Variants in ZNF385D observed in about 807,000 individuals in gnomAD.
The protein encoded by ZNF385D is zinc finger protein 659.
ZNF385D carries 15 observed loss-of-function variants against 35.8 expected under a neutral mutation model. The observed-to-expected ratio is 0.42, with a 90% CI of 0.28 to 0.64. The LOEUF is 0.64. Among genes scored for constraint, ZNF385D ranks in the 30% least tolerant of loss-of-function variants. ZNF385D has a pLI of 0.23. For synonymous variants in ZNF385D, 212 were observed against 186.8 expected (o/e 1.13, Z -1.10); for missense variants, 474 against 494.6 (o/e 0.96, Z 0.39).
chr3:21,854,353 T>C lies in ZNF385D; in HGVS notation c.326-189325A>G, dbSNP rs143162422. Among the ~76,000 whole-genome samples, 40 of 152,076 alleles carry C rather than the reference T, an allele frequency of 2.6e-4. No individual in the cohort carries two copies. In the East Asian group the frequency reaches 2.9e-3, roughly 11 times the overall value. On this transcript the variant is annotated intron_variant, in intron 3 of 5. Transcript: ENST00000494108. ...TGCCTAGGAAACTTAAAGTATCTCTTAAAACGGAGCTCATATGCCACTTAT... is the reference window on the plus strand; with the variant it reads ...TGCCTAGGAAACTTAAAGTATCTCTCAAAACGGAGCTCATATGCCACTTAT...
At chr3:22,210,428 C>A (rs906445700) in intron 2 of ZNF385D, among the ~76,000 whole-genome samples, 30 of 151,844 alleles carry the variant, frequency 2.0e-4, no homozygotes, top group African/African-American at 7.2e-4. Flanking sequence ...CACGAATCAG[C>A]TTAAGGACTT....
At chr3:22,314,889 G>C (rs1703799449) in intron 2 of ZNF385D, among the ~76,000 whole-genome samples, 1 of 152,082 alleles carries the variant, frequency 6.6e-6, no homozygotes, top group Non-Finnish European at 1.5e-5. Context: ...GATGGTAGAG[G>C]GATTGTGCAA....
chr3:22,284,242 G>A (rs1365549782), intron 2 of ZNF385D, among the ~76,000 whole-genome samples: 1 of 152,122 alleles, frequency 6.6e-6, no homozygotes, highest in Non-Finnish European at 1.5e-5. Context: ...AGGCTGGAGT[G>A]CAGTGGCGCG....
intron 2 of ZNF385D, among the ~76,000 whole-genome samples, chr3:22,233,656 T>C (rs1699020326): frequency 6.6e-6 from 1 of 152,120 alleles, no homozygotes; most frequent in African/African-American, 2.4e-5. Flanking sequence ...ACCTGGCTTC[T>C]ACCCACACCA....
At chr3:22,036,594 T>C (rs1312498639) in intron 3 of ZNF385D, among the ~76,000 whole-genome samples, 1 of 152,110 alleles carries the variant, frequency 6.6e-6, no homozygotes, top group East Asian at 1.9e-4. Flanking sequence ...ATTTCATTTT[T>C]ATAATCATAA....
intron 2 of ZNF385D, among the ~76,000 whole-genome samples, chr3:22,206,760 T>C (rs770606863): frequency 1.3e-5 from 2 of 151,804 alleles, no homozygotes; most frequent in Non-Finnish European, 2.9e-5. Flanking sequence ...CCAAAACCTA[T>C]GGGATACAGT....
intron 2 of ZNF385D, among the ~76,000 whole-genome samples, chr3:22,238,839 T>C (rs1341826034): frequency 1.3e-5 from 2 of 150,812 alleles, no homozygotes; most frequent in Non-Finnish European, 2.9e-5. Flanking sequence ...TGCAAATGAC[T>C]CTTCTGCCTC....
chr3:21,550,487 TTATA>T (rs1470698826), intron 3 of ZNF385D, among the ~76,000 whole-genome samples: 3 of 151,954 alleles, frequency 2.0e-5, no homozygotes, highest in African/African-American at 7.3e-5. Flanking sequence ...TGTGGAAAAA[TTATA>T]TATATTTTTT....
At chr3:21,482,696 C>T (rs1408993679) in intron 4 of ZNF385D, among the ~76,000 whole-genome samples, 1 of 152,124 alleles carries the variant, frequency 6.6e-6, no homozygotes, top group Non-Finnish European at 1.5e-5. Context: ...GGTCAACCAA[C>T]TCAAATGTAA....
intron 2 of ZNF385D, among the ~76,000 whole-genome samples, chr3:22,308,984 A>T (rs1456770794): frequency 6.6e-6 from 1 of 152,104 alleles, no homozygotes; most frequent in African/African-American, 2.4e-5. Flanking sequence ...TTGCTTCTGC[A>T]ATAAAATAAG....
In ZNF385D at chr3:22,171,733, C is replaced by T. The variant is rs1478424676; in HGVS notation, c.107-2698G>A. 4.6e-5 allele frequency among the ~76,000 whole-genome samples: 7 copies of T among 151,704 alleles called. No individual in the cohort carries two copies. The South Asian group carries it at 8.3e-4, about 18-fold the overall frequency. ...CTACTAAAAAATACAAGAAATTAGC[C>T]GGGCGTGGTGCCAGGCGCCTGTAGT... On this transcript the variant is annotated intron_variant, in intron 2 of 5. Coordinates refer to the ZNF385D transcript ENST00000494108.
intron 4 of ZNF385D, among the ~76,000 whole-genome samples, chr3:21,452,249 G>A (rs963248773): frequency 6.6e-6 from 1 of 151,974 alleles, no homozygotes; most frequent in African/African-American, 2.4e-5. Flanking sequence ...GCAGCAACAT[G>A]CTTTCAAAGT....
At chr3:21,815,914 T>C (rs919823855) in intron 3 of ZNF385D, among the ~76,000 whole-genome samples, 38 of 152,226 alleles carry the variant, frequency 2.5e-4, no homozygotes, top group Admixed American at 2.0e-3. Context: ...CTGATGAACA[T>C]CGATGCAAAA....
At chr3:22,261,568 T>C (rs1050161235) in intron 2 of ZNF385D, among the ~76,000 whole-genome samples, 1 of 152,012 alleles carries the variant, frequency 6.6e-6, no homozygotes, top group Non-Finnish European at 1.5e-5. Context: ...TCCTGCTCTG[T>C]GCCTGGAAAC....
At chr3:21,917,072 T>C (rs573856330) in intron 3 of ZNF385D, among the ~76,000 whole-genome samples, 2 of 152,174 alleles carry the variant, frequency 1.3e-5, no homozygotes, top group African/African-American at 2.4e-5. Flanking sequence ...ATCCATTAAA[T>C]AGAGTCCATT....
chr3:21,677,060 T>G (rs2066751259), intron 1 of ZNF385D, among the ~76,000 whole-genome samples: 1 of 152,078 alleles, frequency 6.6e-6, no homozygotes, highest in South Asian at 2.1e-4. Context: ...GAAAGGGACA[T>G]CTATATTATG....
chr3:22,058,401 A>C (rs1176588041), intron 3 of ZNF385D, among the ~76,000 whole-genome samples: 1 of 152,178 alleles, frequency 6.6e-6, no homozygotes, highest in African/African-American at 2.4e-5. Flanking sequence ...CTATTGTTTA[A>C]AAGGACTGGA....
chr3:21,775,638 A>G (rs528211374), intron 3 of ZNF385D, among the ~76,000 whole-genome samples: 1 of 152,018 alleles, frequency 6.6e-6, no homozygotes, highest in East Asian at 1.9e-4. Context: ...TTATTTGTAC[A>G]TTATTTCCTC....
chr3:21,805,659 C>T (rs538046256), intron 3 of ZNF385D, among the ~76,000 whole-genome samples: 117 of 152,270 alleles, frequency 7.7e-4, no homozygotes, highest in African/African-American at 2.6e-3. Context: ...CTCTGACATT[C>T]GGGTTTCTCC....
Sources: allele counts gnomAD v4.1 joint callset (sites outside exome capture counted in the v4.1 genomes callset), GRCh38; gene constraint gnomAD v4.1.1; transcripts MANE v1.5; gene names NCBI Gene and HGNC (gene_info 2026-07-23, HGNC 2026-07-21).